Variants in TANC2 observed in about 807,000 individuals in gnomAD.
TANC2 encodes protein TANC2.
A neutral mutation model predicts 210.5 loss-of-function variants in TANC2; 26 were observed. The observed-to-expected ratio is 0.12, with a 90% CI of 0.09 to 0.17. TANC2 has a LOEUF of 0.17. TANC2 is among the 10% of genes least tolerant of loss of function. TANC2 has a pLI of 1.00. For synonymous variants in TANC2, 931 were observed against 967.1 expected (o/e 0.96, Z 0.69); for missense variants, 2,129 against 2,608.9 (o/e 0.82, Z 4.01).
chr17:63,113,850 G>T (rs1418534015), intron 4 of TANC2, among the ~76,000 whole-genome samples: 1 of 152,162 alleles, frequency 6.6e-6, no homozygotes. Flanking sequence ...GGTATTATCT[G>T]TTTTGATGAC....
At chr17:63,230,704 C>T (rs1459271488) in intron 7 of TANC2, among the ~76,000 whole-genome samples, 1 of 152,084 alleles carries the variant, frequency 6.6e-6, no homozygotes, top group Non-Finnish European at 1.5e-5. Context: ...ATCAATTTTA[C>T]AGTAAGTGCC....
At position 63,305,270 on chromosome 17, in the gene TANC2, C is replaced by G. The variant is rs1329534533; in HGVS notation, c.1160-9118C>G. ...AGTTCCGTGGAAAAAACATGTTTTC[C>G]CAGGCTGGGTAGCGTACTCACTCAC... On this transcript the variant is annotated intron_variant, in intron 9 of 27. Transcript: ENST00000689528. 16 of 152,368 alleles carry G rather than the reference C, an allele frequency of 1.1e-4. No individual in the cohort carries two copies. The East Asian group carries it at 3.1e-3, about 29-fold the overall frequency. 9.4% of individuals were successfully genotyped at this position (152,368 alleles called of 1,614,324 possible). A position where few individuals can be genotyped will look rare whatever the true frequency, so the allele number is the denominator to read the frequency against.
intron 2 of TANC2, among the ~76,000 whole-genome samples, chr17:63,047,483 A>G (rs1249362840): frequency 6.6e-6 from 1 of 152,114 alleles, no homozygotes; most frequent in Non-Finnish European, 1.5e-5. Context: ...GAAAATCAGT[A>G]ATATTTGATG....
chr17:63,224,338 G>A (rs1002599103), intron 7 of TANC2, among the ~76,000 whole-genome samples: 24 of 146,836 alleles, frequency 1.6e-4, no homozygotes, highest in Admixed American at 1.5e-3. Flanking sequence ...TGCAGCCTCC[G>A]CCTCCCAGAT....
At chr17:63,339,218 G>A (rs1021056752) in intron 11 of TANC2, among the ~76,000 whole-genome samples, 4 of 152,190 alleles carry the variant, frequency 2.6e-5, no homozygotes, top group African/African-American at 9.7e-5. Flanking sequence ...CTACATTCAA[G>A]CTGAATCTCC....
intron 7 of TANC2, among the ~76,000 whole-genome samples, chr17:63,217,038 A>C (rs1481039598): frequency 6.6e-6 from 1 of 152,256 alleles, no homozygotes; most frequent in Non-Finnish European, 1.5e-5. Context: ...AGTGAAAACA[A>C]AACATATCAA....
intron 4 of TANC2, chr17:63,117,284 T>C (rs2038288515): frequency 6.6e-6 from 1 of 152,148 alleles, no homozygotes; most frequent in Admixed American, 6.5e-5. Flanking sequence ...AGTAATTTGC[T>C]CTAACAGAGG....
chr17:63,023,863 A>G (rs2034446924), intron 2 of TANC2, among the ~76,000 whole-genome samples: 1 of 152,208 alleles, frequency 6.6e-6, no homozygotes, highest in Non-Finnish European at 1.5e-5. Flanking sequence ...TTGAAATTGC[A>G]TTTGAAACAA....
chr17:63,328,554 A>G (rs1598863094), intron 11 of TANC2, among the ~76,000 whole-genome samples: 2 of 152,018 alleles, frequency 1.3e-5, no homozygotes, highest in African/African-American at 2.4e-5. Context: ...ATACTGCATG[A>G]TCTTTCTTAT....
intron 9 of TANC2, among the ~76,000 whole-genome samples, chr17:63,300,435 C>T (rs1049194691): frequency 1.3e-5 from 2 of 149,462 alleles, no homozygotes; most frequent in Non-Finnish European, 3.0e-5. Context: ...TTTTTCCATT[C>T]ATGTCCTTTC....
intron 12 of TANC2, among the ~76,000 whole-genome samples, chr17:63,342,674 G>A (rs1190838703): frequency 2.6e-5 from 4 of 152,116 alleles, no homozygotes; most frequent in African/African-American, 9.7e-5. Flanking sequence ...TACTCGGGAG[G>A]CTGAGGCAGG....
intron 4 of TANC2, among the ~76,000 whole-genome samples, chr17:63,102,438 TTCTC>T (rs941612410): frequency 3.3e-5 from 5 of 151,566 alleles, no homozygotes; most frequent in Admixed American, 6.6e-5. Context: ...ACCTTATTTA[TTCTC>T]TCTCTATTGT....
At chr17:62,996,994 T>TTTTTTTTTTTTTTTTTGAGACGG (rs2033144497) in intron 1 of TANC2, among the ~76,000 whole-genome samples, 3 of 143,768 alleles carry the variant, frequency 2.1e-5, no homozygotes, top group African/African-American at 5.4e-5. Flanking sequence ...TTTGTATTTT[T>TTTTTTTTTTTTTTTTTGAGACGG]AGTATAGATG....
rs747677021 is a variant in TANC2, at chr17:63,421,385, ATCT to A, written c.5661_5663del (p.Ser1888del). ...CCAACCTAACTCCGACCTTCCGGCCATCTTCTTCCATCCAGCAAATGGAGATCC... is the reference window on the plus strand; with the variant it reads ...CCAACCTAACTCCGACCTTCCGGCCATCTTCCATCCAGCAAATGGAGATCC... On this transcript the variant is annotated inframe_deletion, in exon 28 of 28. Transcript: ENST00000689528. The surrounding 1 kb of genome is among the most constrained non-coding windows in gnomAD (Gnocchi z 6.9). The A allele has an allele frequency of 7.4e-6, 12 of 1,613,954 alleles. No homozygotes were observed. The highest frequency in any genetic ancestry group is 4.4e-5 in the South Asian group (4 of 91,080).
chr17:63,371,015 T>G (rs2047252074), intron 14 of TANC2, among the ~76,000 whole-genome samples: 1 of 152,196 alleles, frequency 6.6e-6, no homozygotes, highest in African/African-American at 2.4e-5. Context: ...CTAGGTCTCT[T>G]TAAATAACCC....
chr17:63,395,907 A>G (rs775643089), exon 18 of TANC2: 1 of 1,609,622 alleles, frequency 6.2e-7, no homozygotes, highest in South Asian at 1.1e-5. Context: ...TCATTGCTGC[A>G]GCCAGCATGG....
At chr17:63,255,667 A>G (rs1401660594) in intron 8 of TANC2, among the ~76,000 whole-genome samples, 1 of 151,946 alleles carries the variant, frequency 6.6e-6, no homozygotes, top group African/African-American at 2.4e-5. Context: ...TGTCGTTTTC[A>G]TCTCTGATTT....
At chr17:63,307,195 G>A (rs189440269) in intron 9 of TANC2, among the ~76,000 whole-genome samples, 3 of 152,222 alleles carry the variant, frequency 2.0e-5, no homozygotes, top group Admixed American at 6.5e-5. Context: ...CCACTGGAGG[G>A]TTTTGCGTAG....
chr17:63,384,687 A>G (rs1447564779), intron 15 of TANC2, among the ~76,000 whole-genome samples: 1 of 152,240 alleles, frequency 6.6e-6, no homozygotes, highest in Non-Finnish European at 1.5e-5. Flanking sequence ...GGTCTTAGAC[A>G]CAATTTTACT....
Sources: gnomAD v4.1 joint callset for allele counts (sites outside exome capture counted in the v4.1 genomes callset) on GRCh38, gnomAD v4.1.1 for gene constraint, Gnocchi (gnomAD v3.1) non-coding constraint, MANE v1.5 for transcripts, NCBI Gene and HGNC (gene_info 2026-07-23, HGNC 2026-07-21) for gene names.